Variants in NYX observed in about 807,000 individuals in gnomAD.
The protein encoded by NYX is nyctalopin.
For synonymous variants in NYX, 258 were observed against 245.7 expected, an observed-to-expected ratio of 1.05 and a Z score of -0.47; for missense variants, 481 against 485.4, an observed-to-expected ratio of 0.99 and a Z score of 0.09.
intron 2 of NYX, among the ~76,000 whole-genome samples, chrX:41,461,816 T>C (rs2064321144): frequency 9.0e-6 from 1 of 111,643 alleles, no homozygotes; most frequent in Non-Finnish European, 1.9e-5. Context: ...TTTCTTTTTT[T>C]CCTGAGACAC....
intron 2 of NYX, among the ~76,000 whole-genome samples, chrX:41,463,823 G>A (rs1393114266): frequency 9.0e-6 from 1 of 111,239 alleles, no homozygotes; most frequent in South Asian, 3.7e-4. Context: ...CCCCCCCATC[G>A]GCCTCCCAAA....
chrX:41,474,742 C>A lies in NYX; in HGVS notation c.1274C>A (p.Ala425Glu). 1 of 1,192,774 alleles carries A rather than the reference C, an allele frequency of 8.4e-7. No homozygotes were observed. Among genetic ancestry groups the A allele is most frequent in the East Asian group, 3.0e-5 (1 of 33,276 alleles). Reference protein sequence around the residue: ...LLAPRVPVEEAANTTGGLANA... With the variant: ...LLAPRVPVEEEANTTGGLANA... ...GCCCCGAGGGTCCCGGTGGAGGAGG[C>A]GGCCAACACCACTGGGGGGCTGGCC... Residue 425 changes from alanine to glutamate, a missense_variant, in exon 3 of 3, where the codon GCG becomes GAG. By Grantham distance (107) the Ala-to-Glu change is moderately radical (BLOSUM62 -1). Transcript: ENST00000378220.
chrX:41,474,794 C>T lies in NYX; in HGVS notation c.1326C>T (p.Ser442=). ...ACGCCTCCCTGTCCGACAGCCTCTCCTCCCGTGGGGTGGGAGGCGCGGGCC... is the reference window on the plus strand; with the variant it reads ...ACGCCTCCCTGTCCGACAGCCTCTCTTCCCGTGGGGTGGGAGGCGCGGGCC... ...LANASLSDSL[S]SRGVGGAGRQ... is the part of the protein sequence containing the mutation. Residue 442 remains serine (S), a synonymous_variant, in exon 3 of 3, where the codon TCC becomes TCT. Transcript: ENST00000378220. 2 of 1,201,024 alleles carry T rather than the reference C, an allele frequency of 1.7e-6. No homozygotes were observed. The highest frequency in any genetic ancestry group is 3.0e-5 in the East Asian group (1 of 33,578).
chrX:41,465,267 T>C (rs1175063412), intron 2 of NYX, among the ~76,000 whole-genome samples: 1 of 111,104 alleles, frequency 9.0e-6, no homozygotes, highest in Admixed American at 9.7e-5. Flanking sequence ...GTACACTGGA[T>C]ACTGCGGAGC....
chrX:41,465,195 T>TC (rs1297457973), intron 2 of NYX, among the ~76,000 whole-genome samples: 1 of 110,895 alleles, frequency 9.0e-6, no homozygotes, highest in African/African-American at 3.3e-5. Flanking sequence ...CTGCTGTTTT[T>TC]TTTTTCCTTC....
Position 41,459,492 on chromosome X carries a change from G to A in NYX, c.22+11566G>A, listed in dbSNP as rs773747726. On this transcript the variant is annotated intron_variant, in intron 2 of 2. Coordinates refer to ENST00000378220, the MANE Select transcript of NYX (RefSeq NM_001378477.3). ...AAATTATCTGGGTGTGGTGGTGGGCGCCTGTAATCCCAGCTACTCGGGAGG... is the reference window on the plus strand; with the variant it reads ...AAATTATCTGGGTGTGGTGGTGGGCACCTGTAATCCCAGCTACTCGGGAGG... Among the ~76,000 whole-genome samples, 13 of 109,970 alleles carry A rather than the reference G, an allele frequency of 1.2e-4. No homozygotes were observed. The East Asian group carries it at 1.4e-3, about 12-fold the overall frequency.
chrX:41,454,197 A>G (rs1225052208), intron 2 of NYX, among the ~76,000 whole-genome samples: 1 of 111,904 alleles, frequency 8.9e-6, no homozygotes, highest in African/African-American at 3.2e-5. Context: ...TCTAATGTTC[A>G]GCCCTGGAAA....
chrX:41,473,948 C>A lies in NYX; in HGVS notation c.480C>A (p.Ala160=), dbSNP rs775975888. ...LAELPALREL[A]AFDNLFRRVP... ...AACTGCCGGCCCTGCGCGAACTCGC[C>A]GCCTTCGACAACCTGTTCCGCCGCG... Residue 160 remains alanine (A), a synonymous_variant, in exon 3 of 3, where the codon GCC becomes GCA. Coordinates refer to ENST00000378220, the MANE Select transcript of NYX (RefSeq NM_001378477.3). 4 of 1,101,140 alleles carry A rather than the reference C, an allele frequency of 3.6e-6. No homozygotes were observed. The South Asian group carries it at 6.3e-5, about 17-fold the overall frequency. The allele number at this position is 1,101,140 out of a possible 1,213,427, so 90.7% of individuals were successfully genotyped here.
chrX:41,449,468 G>C (rs2064271199), intron 2 of NYX, among the ~76,000 whole-genome samples: 1 of 111,488 alleles, frequency 9.0e-6, no homozygotes, highest in African/African-American at 3.3e-5. Context: ...AGCAAGGCAC[G>C]TGGAACACTG....
chrX:41,459,158 T>C (rs1461925988), intron 2 of NYX, among the ~76,000 whole-genome samples: 1 of 111,813 alleles, frequency 8.9e-6, no homozygotes, highest in Non-Finnish European at 1.9e-5. Context: ...TTAATTTGAG[T>C]AGCATTATAC....
chrX:41,449,592 T>A (rs1040346076), intron 2 of NYX, among the ~76,000 whole-genome samples: 19 of 109,240 alleles, frequency 1.7e-4, no homozygotes, highest in African/African-American at 6.3e-4. Context: ...GAAAAAAAAA[T>A]GAAACTTGAT....
intron 2 of NYX, among the ~76,000 whole-genome samples, chrX:41,465,431 C>T (rs959151466): frequency 2.4e-4 from 26 of 109,942 alleles, no homozygotes; most frequent in African/African-American, 6.9e-4. Context: ...TGCCTTTAGT[C>T]CTGGGAAATG....
rs1602181467 is a variant in NYX, at chrX:41,475,028, A to C, written c.*129A>C. On this transcript the variant is annotated 3_prime_UTR_variant, in exon 3 of 3. Transcript: ENST00000378220. ...TGGAAGGAACCGTTTGCCTCCAGAG[A>C]TGGCCCCAGGGAGAACACAGGGACG... The C allele has an allele frequency of 8.2e-6, 5 of 611,478 alleles. No individual in the cohort carries two copies. The highest frequency in any genetic ancestry group is 3.4e-4 in the Middle Eastern group (1 of 2,907). 50.4% of individuals were successfully genotyped at this position (611,478 alleles called of 1,213,427 possible).
At chrX:41,457,307 CAAAAAAAAA>C (rs752610260) in intron 2 of NYX, among the ~76,000 whole-genome samples, 2 of 44,709 alleles carry the variant, frequency 4.5e-5, no homozygotes, top group Non-Finnish European at 7.5e-5. Context: ...AACTCCATCT[CAAAAAAAAA>C]AAAAAAAAAA....
chrX:41,459,066 G>A (rs1251492008), intron 2 of NYX, among the ~76,000 whole-genome samples: 1 of 110,722 alleles, frequency 9.0e-6, no homozygotes, highest in Non-Finnish European at 1.9e-5. Context: ...CTGGGCAACA[G>A]AGCGAGACTC....
chrX:41,465,322 T>C (rs1308144490), intron 2 of NYX, among the ~76,000 whole-genome samples: 1 of 110,744 alleles, frequency 9.0e-6, no homozygotes. Context: ...TTGAAGAGTG[T>C]AGAATTTTGT....
At position 41,448,370 on chromosome X, in the gene NYX, G is replaced by A. The variant is rs747010746; in HGVS notation, c.22+444G>A. 4.3e-4 allele frequency among the ~76,000 whole-genome samples: 47 copies of A among 108,623 alleles called. 1 individual carries two copies. Among genetic ancestry groups the A allele is most frequent in the African/African-American group, 1.5e-3 (44 of 29,923 alleles). 94.3% of individuals were successfully genotyped at this position (108,623 alleles called of 115,157 possible). On this transcript the variant is annotated intron_variant, in intron 2 of 2. Transcript: ENST00000378220. Reference sequence around the variant, plus strand: ...CCATTCTCCTGCCTCAGCCTCCCGAGTAGCTGGGAGTACAGGTGCCCGCCA... The same window carrying A: ...CCATTCTCCTGCCTCAGCCTCCCGAATAGCTGGGAGTACAGGTGCCCGCCA...
At chrX:41,452,314 T>C (rs1040132656) in intron 2 of NYX, among the ~76,000 whole-genome samples, 1 of 111,349 alleles carries the variant, frequency 9.0e-6, no homozygotes, top group African/African-American at 3.3e-5. Flanking sequence ...TTTATTATAC[T>C]TACTGAACTG....
chrX:41,455,402 C>T (rs2064295543), intron 2 of NYX, among the ~76,000 whole-genome samples: 1 of 110,642 alleles, frequency 9.0e-6, no homozygotes, highest in African/African-American at 3.3e-5. Context: ...TCACTGCGCC[C>T]AGCCTGAGGA....
Sources: allele counts gnomAD v4.1 joint callset (sites outside exome capture counted in the v4.1 genomes callset), GRCh38; gene constraint gnomAD v4.1.1; transcripts MANE v1.5; gene names NCBI Gene and HGNC (gene_info 2026-07-23, HGNC 2026-07-21).